Variants in GRM3 observed in about 807,000 individuals in gnomAD.
GRM3 encodes the protein metabotropic glutamate receptor 3.
Under a neutral mutation model 70.5 loss-of-function variants are expected in GRM3, and 26 were observed. The ratio of observed to expected loss-of-function variants is 0.37; its 90% CI spans 0.27 to 0.51. The LOEUF is 0.51. Among genes scored for constraint, GRM3 ranks in the 20% least tolerant of loss-of-function variants. The pLI is 0.93. For missense variants in GRM3, 859 were observed against 1,123.8 expected (o/e 0.76, Z 3.37); for synonymous variants, 443 against 434.9 (o/e 1.02, Z -0.23).
intron 3 of GRM3, among the ~76,000 whole-genome samples, chr7:86,795,869 T>G (rs550620619): frequency 6.6e-6 from 1 of 152,316 alleles, no homozygotes; most frequent in South Asian, 2.1e-4. Context: ...ACCAATAGTG[T>G]AAAAGCATTC....
intron 3 of GRM3, among the ~76,000 whole-genome samples, chr7:86,831,950 T>C (rs1365110188): frequency 6.6e-6 from 1 of 152,158 alleles, no homozygotes; most frequent in Non-Finnish European, 1.5e-5. Context: ...ACTCAGCTGA[T>C]GACTGTGAGA....
chr7:86,853,964 G>C (rs1347658338), intron 5 of GRM3, among the ~76,000 whole-genome samples: 1 of 152,128 alleles, frequency 6.6e-6, no homozygotes, highest in Non-Finnish European at 1.5e-5. Context: ...GGCTCCTAAT[G>C]AGCAAGTTCC....
intron 1 of GRM3, among the ~76,000 whole-genome samples, chr7:86,706,333 G>A (rs953702603): frequency 1.3e-5 from 2 of 152,028 alleles, no homozygotes; most frequent in East Asian, 3.9e-4. Flanking sequence ...TCTGCAATTT[G>A]TATGGTATGA....
intron 1 of GRM3, among the ~76,000 whole-genome samples, chr7:86,715,207 CTGT>C (rs1323399246): frequency 6.6e-6 from 1 of 151,982 alleles, no homozygotes; most frequent in Non-Finnish European, 1.5e-5. Context: ...TGCAAAATGA[CTGT>C]TGTTAAAATC....
intron 3 of GRM3, among the ~76,000 whole-genome samples, chr7:86,792,976 T>C (rs1797456922): frequency 6.6e-6 from 1 of 152,086 alleles, no homozygotes; most frequent in South Asian, 2.1e-4. Context: ...TTTTCTTTTT[T>C]ATTTGTTTGC....
intron 1 of GRM3, among the ~76,000 whole-genome samples, chr7:86,680,883 C>T (rs2115962964): frequency 6.6e-6 from 1 of 152,220 alleles, no homozygotes; most frequent in South Asian, 2.1e-4. Flanking sequence ...TCCTGGCCTG[C>T]CCACATGTAA....
At chr7:86,666,490 G>A (rs757703999) in intron 1 of GRM3, among the ~76,000 whole-genome samples, 1 of 152,058 alleles carries the variant, frequency 6.6e-6, no homozygotes, top group Non-Finnish European at 1.5e-5. Context: ...GTGATGTTAT[G>A]TAAGGGATTT....
At chr7:86,647,689 A>C (rs146394414) in intron 1 of GRM3, among the ~76,000 whole-genome samples, 1 of 152,220 alleles carries the variant, frequency 6.6e-6, no homozygotes, top group Admixed American at 6.5e-5. Flanking sequence ...AATTGCTCCC[A>C]AGGAGGAGCA....
At chr7:86,760,282 A>C (rs1350948371) in intron 1 of GRM3, among the ~76,000 whole-genome samples, 1 of 152,104 alleles carries the variant, frequency 6.6e-6, no homozygotes, top group East Asian at 1.9e-4. Context: ...AGAGTACAGA[A>C]ATGCTTTCAG....
Position 86,764,668 on chromosome 7 carries a change from C to G in GRM3, c.-140-338C>G, listed in dbSNP as rs150465942. 3.3e-3 allele frequency among the ~76,000 whole-genome samples: 496 copies of G among 152,090 alleles called. 9 individuals carry two copies. The highest frequency in any genetic ancestry group is 0.025 in the Admixed American group (376 of 15,256). On this transcript the variant is annotated intron_variant, in intron 1 of 5. Transcript: ENST00000361669. ...GCCCTAACAAAAACAAAGTAAATGACTCAGTAGAGAGAGTACTGGACTTGG... is the reference window on the plus strand; with the variant it reads ...GCCCTAACAAAAACAAAGTAAATGAGTCAGTAGAGAGAGTACTGGACTTGG...
At chr7:86,683,152 G>A (rs962543924) in intron 1 of GRM3, among the ~76,000 whole-genome samples, 3 of 152,240 alleles carry the variant, frequency 2.0e-5, no homozygotes, top group Middle Eastern at 3.4e-3. Flanking sequence ...GAAAATTTAT[G>A]GGAGCAAAGA....
intron 1 of GRM3, among the ~76,000 whole-genome samples, chr7:86,687,960 A>G (rs545278358): frequency 6.6e-6 from 1 of 151,826 alleles, no homozygotes; most frequent in African/African-American, 2.4e-5. Flanking sequence ...AGGAAGCCAG[A>G]AAAGAGAAAT....
At chr7:86,771,949 TC>T (rs1796754118) in intron 2 of GRM3, among the ~76,000 whole-genome samples, 1 of 152,102 alleles carries the variant, frequency 6.6e-6, no homozygotes, top group Admixed American at 6.6e-5. Flanking sequence ...AATGCAGTGT[TC>T]TTCAGCTGTC....
At chr7:86,708,168 G>A (rs1382684605) in intron 1 of GRM3, among the ~76,000 whole-genome samples, 1 of 152,070 alleles carries the variant, frequency 6.6e-6, no homozygotes, top group Non-Finnish European at 1.5e-5. Context: ...CAACCCATAG[G>A]CCCTTTACTC....
chr7:86,823,363 A>G (rs1265646354), intron 3 of GRM3, among the ~76,000 whole-genome samples: 2 of 151,530 alleles, frequency 1.3e-5, no homozygotes, highest in African/African-American at 2.4e-5. Flanking sequence ...TCTGTTTTCT[A>G]CTACCCCTGC....
intron 3 of GRM3, among the ~76,000 whole-genome samples, chr7:86,809,423 G>A (rs931866030): frequency 1.3e-5 from 2 of 151,970 alleles, no homozygotes; most frequent in African/African-American, 4.8e-5. Flanking sequence ...GGTGATAATA[G>A]GATATTATTC....
chr7:86,779,177 T>TG (rs1357818143), intron 2 of GRM3, among the ~76,000 whole-genome samples: 1 of 152,130 alleles, frequency 6.6e-6, no homozygotes, highest in Non-Finnish European at 1.5e-5. Context: ...CTATTGATTG[T>TG]GAAAAAAAAT....
intron 4 of GRM3, 43 bp from the exon 5 acceptor site, chr7:86,850,327 T>A (rs773796015): frequency 1.4e-6 from 2 of 1,453,788 alleles, no homozygotes; most frequent in South Asian, 2.3e-5. Flanking sequence ...GCCACTTGAC[T>A]GAATGTACAG....
intron 1 of GRM3, among the ~76,000 whole-genome samples, chr7:86,714,140 T>G (rs1483088564): frequency 6.6e-6 from 1 of 152,064 alleles, no homozygotes; most frequent in Non-Finnish European, 1.5e-5. Context: ...GGCATCATTC[T>G]CATGCTCTCC....
Sources: allele counts gnomAD v4.1 joint callset (sites outside exome capture counted in the v4.1 genomes callset), GRCh38; gene constraint gnomAD v4.1.1; transcripts MANE v1.5; gene names NCBI Gene and HGNC (gene_info 2026-07-23, HGNC 2026-07-21).